SH3D19: variants seen among roughly 807,000 people sequenced by gnomAD.
SH3D19 encodes the protein SH3 domain-containing protein 19.
Under a neutral mutation model 112.1 loss-of-function variants are expected in SH3D19, and 58 were observed. The observed-to-expected ratio is 0.52, with a 90% CI of 0.42 to 0.64. The LOEUF (loss-of-function observed/expected upper bound fraction) is 0.64, where lower values mean the gene tolerates loss of function less well. SH3D19 is among the 30% of genes least tolerant of loss of function. The pLI, the probability that SH3D19 is intolerant of heterozygous loss-of-function variation, is 0.00. For missense variants in SH3D19, 1,090 were observed against 1,263.4 expected, an observed-to-expected ratio of 0.86 and a Z score of 2.08; for synonymous variants, 391 against 448.5, an observed-to-expected ratio of 0.87 and a Z score of 1.62.
At chr4:151,233,690 C>T (rs1261237700) in intron 1 of SH3D19, among the ~76,000 whole-genome samples, 1 of 152,150 alleles carries the variant, frequency 6.6e-6, no homozygotes, top group East Asian at 1.9e-4. Context: ...TTTGCAGGTT[C>T]CAGGGATTAC....
rs761631305 is a variant in SH3D19 at position 151,175,145 on chromosome 4, C to G, written c.1059G>C (p.Glu353Asp). 1 of 1,614,112 alleles carries G rather than the reference C, an allele frequency of 6.2e-7. No individual in the cohort carries two copies. The highest frequency in any genetic ancestry group is 1.1e-5 in the South Asian group (1 of 91,078). ...CCTTGGAGGTCACCTTGAGTCTGTT[C>G]TCAGTCCCAGAGTCCCACTCTCCAG... ...RASGEWDSGT[E>D]NRLKVTSKEG... The change falls in exon 7 of 20, where the codon GAG becomes GAC. Residue 353 changes from glutamate (E) to aspartate (D), a missense_variant. Transcript: ENST00000604030.
chr4:151,296,162 T>C (rs912294125), intron 1 of SH3D19, among the ~76,000 whole-genome samples: 5 of 152,216 alleles, frequency 3.3e-5, no homozygotes, highest in African/African-American at 9.6e-5. Context: ...TTATAACTCA[T>C]TGAAGCTATT....
chr4:151,136,712 T>G (rs556848819), intron 14 of SH3D19, among the ~76,000 whole-genome samples: 2 of 152,350 alleles, frequency 1.3e-5, no homozygotes, highest in East Asian at 3.9e-4. Flanking sequence ...TTTAAAGTAC[T>G]GCTACATTGG....
At chr4:151,137,569 C>A (rs1752124544) in intron 14 of SH3D19, among the ~76,000 whole-genome samples, 163 bp downstream of exon 14, 1 of 152,172 alleles carries the variant, frequency 6.6e-6, no homozygotes, top group Non-Finnish European at 1.5e-5. Flanking sequence ...TAATAATTAA[C>A]CATCACCTAG....
intron 1 of SH3D19, among the ~76,000 whole-genome samples, chr4:151,257,379 T>C (rs1471877682): frequency 1.3e-5 from 2 of 152,150 alleles, no homozygotes; most frequent in East Asian, 3.9e-4. Context: ...TGAGTCACCA[T>C]GCCCAGGAGA....
At chr4:151,287,348 A>G (rs1774903575) in intron 1 of SH3D19, among the ~76,000 whole-genome samples, 1 of 151,128 alleles carries the variant, frequency 6.6e-6, no homozygotes, top group South Asian at 2.1e-4. Flanking sequence ...CTCCAAAAAA[A>G]AAAAAAAAAA....
intron 19 of SH3D19, among the ~76,000 whole-genome samples, 196 bp downstream of exon 19, chr4:151,127,422 G>A (rs979034588): frequency 6.6e-5 from 10 of 152,180 alleles, no homozygotes; most frequent in African/African-American, 2.2e-4. Flanking sequence ...GTACATTAAT[G>A]CCTGGTTGAT....
chr4:151,156,958 G>A (rs557145967), intron 9 of SH3D19, among the ~76,000 whole-genome samples: 3 of 152,186 alleles, frequency 2.0e-5, no homozygotes, highest in East Asian at 1.9e-4. Context: ...CTCAAACATC[G>A]TAACAGCAAA....
At chr4:151,257,657 C>G (rs1450303476) in intron 1 of SH3D19, among the ~76,000 whole-genome samples, 1 of 152,094 alleles carries the variant, frequency 6.6e-6, no homozygotes, top group African/African-American at 2.4e-5. Context: ...TGGCTCAAGG[C>G]TGTAATCCTA....
chr4:151,181,374 G>A lies in SH3D19; in HGVS notation c.194-1977C>T, dbSNP rs116571635. Among the ~76,000 whole-genome samples, 664 of 152,246 alleles carry A rather than the reference G, an allele frequency of 4.4e-3. 6 individuals carry two copies. Among genetic ancestry groups the A allele is most frequent in the African/African-American group, 0.015 (627 of 41,538 alleles). ...ATGAAGTTTAGGCTGGATTGGAGCC[G>A]TAACAGGTGAACCTCTGCTGGGTTG... On this transcript the variant is annotated intron_variant, in intron 3 of 19. Coordinates refer to ENST00000604030, the MANE Select transcript of SH3D19 (RefSeq NM_001378122.1).
intron 1 of SH3D19, chr4:151,291,353 G>A (rs1312194523): frequency 6.2e-7 from 1 of 1,613,874 alleles, no homozygotes; most frequent in South Asian, 1.1e-5. Context: ...TGTGCCTTTG[G>A]ACCTAACACT....
At chr4:151,234,703 T>G (rs1177942067) in intron 1 of SH3D19, among the ~76,000 whole-genome samples, 2 of 151,382 alleles carry the variant, frequency 1.3e-5, no homozygotes, top group Non-Finnish European at 2.9e-5. Flanking sequence ...TTTTCTTTCC[T>G]TTTTTGGTTT....
At chr4:151,143,229 CAAA>C (rs200054803) in intron 12 of SH3D19, among the ~76,000 whole-genome samples, 2 of 117,042 alleles carry the variant, frequency 1.7e-5, no homozygotes. Flanking sequence ...GACCTTATCT[CAAA>C]AAAAAAAAAA....
intron 2 of SH3D19, among the ~76,000 whole-genome samples, chr4:151,214,074 C>G (rs61288954): frequency 0.015 from 2,222 of 147,902 alleles, 35 homozygotes; most frequent in African/African-American, 0.039. Flanking sequence ...TGACTCTTAA[C>G]GAGCATGCTG....
intron 12 of SH3D19, among the ~76,000 whole-genome samples, chr4:151,143,333 G>A (rs1753351907): frequency 6.6e-6 from 1 of 151,956 alleles, no homozygotes; most frequent in South Asian, 2.1e-4. Context: ...TGTTCTGAAA[G>A]AGGAAGGACA....
At chr4:151,313,876 G>C (rs1729741589) in intron 1 of SH3D19, among the ~76,000 whole-genome samples, 1 of 152,080 alleles carries the variant, frequency 6.6e-6, no homozygotes, top group Non-Finnish European at 1.5e-5. Context: ...TGATATGCTG[G>C]GGGCCTTCGA....
chr4:151,289,306 T>C (rs986819898), intron 1 of SH3D19, among the ~76,000 whole-genome samples: 5 of 152,180 alleles, frequency 3.3e-5, no homozygotes, highest in Admixed American at 6.5e-5. Flanking sequence ...GGTAGGTCTT[T>C]GTGACCTTGA....
Position 151,175,020 on chromosome 4 carries a change from A to T in SH3D19, c.1184T>A (p.Val395Asp). 3.1e-6 allele frequency: 5 copies of T among 1,614,216 alleles called. No individual in the cohort carries two copies. The highest frequency in any genetic ancestry group is 4.2e-6 in the Non-Finnish European group (5 of 1,180,042). The change falls in exon 7 of 20, where the codon GTT becomes GAT. Residue 395 changes from valine (V) to aspartate (D), a missense_variant. Coordinates refer to ENST00000604030, the MANE Select transcript of SH3D19 (RefSeq NM_001378122.1). ...CCCTCTTCCCGGAATCTCAGGATTAACACTTCGTATAAGGCCAGGGTTTGG... is the reference window on the plus strand; with the variant it reads ...CCCTCTTCCCGGAATCTCAGGATTATCACTTCGTATAAGGCCAGGGTTTGG... ...KKPNPGLIRS[V>D]NPEIPGRGPL...
At chr4:151,216,698 T>C (rs978195717) in intron 2 of SH3D19, among the ~76,000 whole-genome samples, 41 of 152,302 alleles carry the variant, frequency 2.7e-4, no homozygotes, top group African/African-American at 9.1e-4. Context: ...TGCCTGCTGA[T>C]AGTTTAATTT....
Sources: gnomAD v4.1 joint callset for allele counts (sites outside exome capture counted in the v4.1 genomes callset) on GRCh38, gnomAD v4.1.1 for gene constraint, MANE v1.5 for transcripts, NCBI Gene and HGNC (gene_info 2026-07-23, HGNC 2026-07-21) for gene names.